Variants in ARHGEF3 observed in about 807,000 individuals in gnomAD.
ARHGEF3 encodes the protein Rho guanine nucleotide exchange factor 3.
A neutral mutation model predicts 63.2 loss-of-function variants in ARHGEF3; 28 were observed. The observed-to-expected ratio is 0.44, with a 90% CI of 0.33 to 0.61. The LOEUF (loss-of-function observed/expected upper bound fraction) is 0.61. Among genes scored for constraint, ARHGEF3 ranks in the 20% least tolerant of loss-of-function variants. ARHGEF3 has a pLI of 0.03. For synonymous variants in ARHGEF3, 266 were observed against 254.2 expected, an observed-to-expected ratio of 1.05 and a Z score of -0.44; for missense variants, 533 against 659.3, an observed-to-expected ratio of 0.81 and a Z score of 2.10.
At chr3:56,984,888 C>G (rs1701473149) in intron 2 of ARHGEF3, among the ~76,000 whole-genome samples, 1 of 152,126 alleles carries the variant, frequency 6.6e-6, no homozygotes, top group African/African-American at 2.4e-5. Context: ...TCCTTGGTGG[C>G]CCCGTAATGA....
At chr3:56,948,376 C>T (rs1469850583) in intron 3 of ARHGEF3, among the ~76,000 whole-genome samples, 1 of 151,954 alleles carries the variant, frequency 6.6e-6, no homozygotes, top group African/African-American at 2.4e-5. Flanking sequence ...ATTGATAGAC[C>T]ACTAGCAAGA....
At chr3:56,897,594 C>T (rs9822556) in intron 3 of ARHGEF3, among the ~76,000 whole-genome samples, 6,699 of 151,236 alleles carry the variant, frequency 0.044, 499 homozygotes, top group African/African-American at 0.15. Flanking sequence ...TGGAGTCTCC[C>T]TCTGTCACCA....
chr3:56,913,633 T>A (rs1188307597), intron 3 of ARHGEF3, among the ~76,000 whole-genome samples: 1 of 152,196 alleles, frequency 6.6e-6, no homozygotes, highest in Non-Finnish European at 1.5e-5. Context: ...AATTACTGTA[T>A]GTTCTAGCAA....
intron 4 of ARHGEF3, among the ~76,000 whole-genome samples, chr3:56,813,321 T>C (rs575342193): frequency 4.6e-5 from 7 of 152,358 alleles, no homozygotes; most frequent in African/African-American, 1.7e-4. Flanking sequence ...GAATTTGATC[T>C]GTATTTTCTT....
intron 4 of ARHGEF3, among the ~76,000 whole-genome samples, chr3:56,843,850 A>C (rs573887765): frequency 6.6e-6 from 1 of 152,320 alleles, no homozygotes; most frequent in East Asian, 1.9e-4. Context: ...CAGGAAAAGT[A>C]ATACATGAAT....
At chr3:56,884,847 C>G (rs893346386) in intron 3 of ARHGEF3, among the ~76,000 whole-genome samples, 1 of 152,136 alleles carries the variant, frequency 6.6e-6, no homozygotes, top group Non-Finnish European at 1.5e-5. Flanking sequence ...ACTTTTTGAG[C>G]CAGATATGGT....
At chr3:56,920,246 A>G (rs1013549465) in intron 3 of ARHGEF3, among the ~76,000 whole-genome samples, 4 of 152,202 alleles carry the variant, frequency 2.6e-5, no homozygotes, top group African/African-American at 9.7e-5. Flanking sequence ...CCTACGATGC[A>G]AAGATGAACC....
intron 2 of ARHGEF3, chr3:56,959,002 A>G: frequency 8.7e-7 from 1 of 1,148,294 alleles, no homozygotes; most frequent in Non-Finnish European, 1.3e-6. Flanking sequence ...AATGGCCCAA[A>G]CAAGGTGGAT....
At chr3:56,743,944 A>C (rs1313645073) in intron 7 of ARHGEF3, among the ~76,000 whole-genome samples, 6 of 152,094 alleles carry the variant, frequency 3.9e-5, no homozygotes, top group African/African-American at 1.4e-4. Flanking sequence ...AGAGCTTGTA[A>C]ATGATGGAGC....
intron 3 of ARHGEF3, among the ~76,000 whole-genome samples, chr3:56,934,599 T>C (rs991831074): frequency 1.3e-5 from 2 of 152,174 alleles, no homozygotes; most frequent in Non-Finnish European, 2.9e-5. Context: ...ATGAGGGACT[T>C]AGCACCCGGG....
chr3:57,030,494 A>AAATG (rs1560147560), intron 2 of ARHGEF3, among the ~76,000 whole-genome samples: 3 of 152,236 alleles, frequency 2.0e-5, no homozygotes, highest in Admixed American at 1.3e-4. Context: ...CTGACTGACC[A>AAATG]AATGAATGAA....
chr3:56,904,951 C>T (rs189064186), intron 3 of ARHGEF3, among the ~76,000 whole-genome samples: 48 of 152,306 alleles, frequency 3.2e-4, no homozygotes, highest in African/African-American at 8.2e-4. Flanking sequence ...TCATGCATGT[C>T]GAAACTCCAT....
intron 3 of ARHGEF3, among the ~76,000 whole-genome samples, chr3:56,919,846 T>C (rs2042081433): frequency 6.6e-6 from 1 of 152,214 alleles, no homozygotes; most frequent in East Asian, 1.9e-4. Context: ...CGCCTACCCA[T>C]GGCACGTGGC....
chr3:56,773,838 A>G (rs780219999), intron 1 of ARHGEF3, 22 bp from the exon 2 acceptor site: 3 of 1,566,172 alleles, frequency 1.9e-6, no homozygotes, highest in African/African-American at 2.8e-5. Context: ...AAAAAAAAAA[A>G]AAGTAAAATG....
chr3:57,053,113 A>G (rs1704745597), intron 1 of ARHGEF3, among the ~76,000 whole-genome samples: 1 of 152,198 alleles, frequency 6.6e-6, no homozygotes, highest in African/African-American at 2.4e-5. Context: ...ATATGGGAAA[A>G]TCCAAGGAGT....
At chr3:57,001,563 C>T (rs1702193401) in intron 2 of ARHGEF3, among the ~76,000 whole-genome samples, 1 of 152,206 alleles carries the variant, frequency 6.6e-6, no homozygotes, top group South Asian at 2.1e-4. Flanking sequence ...TACAGAGCTT[C>T]AGTTCTGGCC....
intron 2 of ARHGEF3, among the ~76,000 whole-genome samples, chr3:56,997,211 C>G (rs1292897198): frequency 6.6e-6 from 1 of 152,136 alleles, no homozygotes; most frequent in Non-Finnish European, 1.5e-5. Flanking sequence ...GGGCCATCTT[C>G]TCTGACAAGT....
At chr3:56,733,909 A>T (rs1049477621) in intron 8 of ARHGEF3, among the ~76,000 whole-genome samples, 1 of 145,602 alleles carries the variant, frequency 6.9e-6, no homozygotes, top group Admixed American at 7.2e-5. Flanking sequence ...GCTTGAACCC[A>T]GGAGGTGGAG....
At chr3:56,943,463 A>G (rs755526963) in intron 3 of ARHGEF3, among the ~76,000 whole-genome samples, 6 of 152,192 alleles carry the variant, frequency 3.9e-5, no homozygotes, top group Non-Finnish European at 8.8e-5. Context: ...TTACTTTTAA[A>G]ATATTACTGC....
Sources: gnomAD v4.1 joint callset for allele counts (sites outside exome capture counted in the v4.1 genomes callset) on GRCh38, gnomAD v4.1.1 for gene constraint, MANE v1.5 for transcripts, NCBI Gene and HGNC (gene_info 2026-07-23, HGNC 2026-07-21) for gene names.